AZIN2: variants seen among roughly 807,000 people sequenced by gnomAD.
The protein encoded by AZIN2 is ODC antizyme inhibitor-2.
Under a neutral mutation model 47.8 loss-of-function variants are expected in AZIN2, and 28 were observed. The observed-to-expected ratio is 0.59, with a 90% CI of 0.43 to 0.80. The LOEUF (loss-of-function observed/expected upper bound fraction) is 0.80. Among genes scored for constraint, AZIN2 ranks in the 30% least tolerant of loss-of-function variants. The probability of loss-of-function intolerance (pLI) is 0.00; values close to 1 mark genes in which losing one functional copy is unlikely to be tolerated. For synonymous variants in AZIN2, 221 were observed against 239.4 expected, an observed-to-expected ratio of 0.92 and a Z score of 0.71; for missense variants, 535 against 582.5, an observed-to-expected ratio of 0.92 and a Z score of 0.84.
intron 10 of AZIN2, among the ~76,000 whole-genome samples, chr1:33,117,591 T>C (rs1357683759): frequency 6.6e-6 from 1 of 152,226 alleles, no homozygotes; most frequent in Non-Finnish European, 1.5e-5. Flanking sequence ...GCAGTAACCT[T>C]ACGAGGTAGG....
rs551140805 is a variant in AZIN2 at position 33,101,279 on chromosome 1, T to C, written c.1029+3100T>C. Among the ~76,000 whole-genome samples, 6 of 151,842 alleles carry C rather than the reference T, an allele frequency of 4.0e-5. No individual in the cohort carries two copies. In the East Asian group the frequency reaches 1.2e-3, roughly 30 times the overall value. On this transcript the variant is annotated intron_variant, in intron 10 of 11. Transcript: ENST00000294517. ...GTTGAGAACTCCCAGCCCCAAGCGATTGTCCAGCCTCAGCCTCCCAAAGTG... is the reference window on the plus strand; with the variant it reads ...GTTGAGAACTCCCAGCCCCAAGCGACTGTCCAGCCTCAGCCTCCCAAAGTG...
At position 33,096,752 on chromosome 1, in the gene AZIN2, G is replaced by C. The variant is rs200347127; in HGVS notation, c.799G>C (p.Gly267Arg). The C allele has an allele frequency of 1.2e-5, 20 of 1,614,120 alleles. No homozygotes were observed. Among genetic ancestry groups the C allele is most frequent in the Non-Finnish European group, 1.4e-5 (17 of 1,180,052 alleles). ...NSALDLYFPE[G>R]CGVDIFAELG... Reference sequence around the variant, plus strand: ...AGCCTTGGACCTGTACTTCCCAGAGGGCTGTGGCGTGGACATCTTTGCTGA... The same window carrying C: ...AGCCTTGGACCTGTACTTCCCAGAGCGCTGTGGCGTGGACATCTTTGCTGA... The change falls in exon 9 of 12, where the codon GGC becomes CGC. Residue 267 changes from glycine to arginine, a missense_variant. Gly to Arg is a moderately radical substitution (Grantham distance 125, BLOSUM62 -2). Around this residue, in one of 3 missense-constraint regions of AZIN2, gnomAD observed 409 missense variants for 429.0 expected, o/e 0.95. Transcript: ENST00000294517.
the AZIN2 span, among the ~76,000 whole-genome samples, chr1:33,143,604 C>T: frequency 1.3e-5 from 2 of 152,160 alleles, no homozygotes; most frequent in Non-Finnish European, 2.9e-5. Flanking sequence ...TCCTAGAAAC[C>T]CAGGCGAGTC....
At chr1:33,147,514 A>G in the AZIN2 span, 1 of 1,613,148 alleles carries the variant, frequency 6.2e-7, no homozygotes, top group African/African-American at 1.3e-5. This position sits in a 1 kb window ranked among gnomAD's most constrained non-coding sequence, Gnocchi z 8.1. Flanking sequence ...CAGCCCGATC[A>G]CCCACTGGGT....
chr1:33,153,614 T>C, the AZIN2 span, among the ~76,000 whole-genome samples: 1 of 152,170 alleles, frequency 6.6e-6, no homozygotes. Context: ...AACCCTGCAC[T>C]GGGGTGATGG....
At chr1:33,152,919 G>T in the AZIN2 span, among the ~76,000 whole-genome samples, 3 of 152,144 alleles carry the variant, frequency 2.0e-5, no homozygotes, top group African/African-American at 7.2e-5. Context: ...TTGGGACAAT[G>T]GGCTGCCTGG....
At chr1:33,100,191 C>T (rs1215424076) in intron 10 of AZIN2, among the ~76,000 whole-genome samples, 1 of 152,082 alleles carries the variant, frequency 6.6e-6, no homozygotes, top group Non-Finnish European at 1.5e-5. Context: ...CATGATGGCA[C>T]ATGCCTGTGA....
At chr1:33,130,166 T>C in the AZIN2 span, among the ~76,000 whole-genome samples, 1 of 152,206 alleles carries the variant, frequency 6.6e-6, no homozygotes, top group African/African-American at 2.4e-5. Context: ...GCCGTAGCTT[T>C]GCACTTTAGA....
intron 8 of AZIN2, 137 bp downstream of exon 8, chr1:33,094,850 A>C (rs1037377800): frequency 1.1e-6 from 1 of 923,746 alleles, no homozygotes; most frequent in Middle Eastern, 3.1e-4. Context: ...GGGTGATCTC[A>C]CTGCTTATTA....
Position 33,121,230 on chromosome 1 carries a change from T to C in AZIN2, c.*1048T>C, listed in dbSNP as rs937645032. On this transcript the variant is annotated 3_prime_UTR_variant, in exon 12 of 12. Transcript: ENST00000294517. ...ATATTTTTCTGCTGCAATTAAAAGA[T>C]TTGAGATGTAATTCATATGCAATCA... 6.6e-6 allele frequency among the ~76,000 whole-genome samples: 1 copy of C among 152,200 alleles called. No homozygotes were observed. The highest frequency in any genetic ancestry group is 1.5e-5 in the Non-Finnish European group (1 of 68,038).
chr1:33,130,169 A>G, the AZIN2 span, among the ~76,000 whole-genome samples: 1 of 152,184 alleles, frequency 6.6e-6, no homozygotes. Context: ...GTAGCTTTGC[A>G]CTTTAGATGG....
chr1:33,160,008 G>A, the AZIN2 span: 1 of 1,566,974 alleles, frequency 6.4e-7, no homozygotes, highest in South Asian at 1.1e-5. Flanking sequence ...CTGGGTGAGA[G>A]GAGGAAATCG....
At chr1:33,146,917 C>T in the AZIN2 span, 1 of 517,862 alleles carries the variant, frequency 1.9e-6, no homozygotes. Flanking sequence ...GCAGGGGTTG[C>T]CCTGAGGAGA....
At position 33,082,308 on chromosome 1, in the gene AZIN2, G is replaced by A. The variant is rs1387849398; in HGVS notation, c.59G>A (p.Arg20Gln). 1 of 1,614,036 alleles carries A rather than the reference G, an allele frequency of 6.2e-7. No individual in the cohort carries two copies. The highest frequency in any genetic ancestry group is 1.7e-5 in the Admixed American group (1 of 60,020). ...FVMVEEGFSTRDLLKELTLGA... is the reference protein window; with the variant it reads ...FVMVEEGFSTQDLLKELTLGA... ...ATGGTGGAGGAGGGCTTCAGTACCC[G>A]AGACCTGCTGAAGGAACTCACTCTG... is the stretch of plus-strand genomic sequence containing the variant. Residue 20 changes from arginine (R) to glutamine (Q), a missense_variant, in exon 4 of 12, where the codon CGA becomes CAA. Arg to Gln is a conservative substitution (Grantham distance 43). Around this residue, in one of 3 missense-constraint regions of AZIN2, gnomAD observed 409 missense variants for 429.0 expected, o/e 0.95. Transcript: ENST00000294517.
intron 5 of AZIN2, among the ~76,000 whole-genome samples, chr1:33,086,911 C>A (rs1641966453): frequency 6.6e-6 from 1 of 152,182 alleles, no homozygotes; most frequent in South Asian, 2.1e-4. Flanking sequence ...TTCCTTAAGC[C>A]ATTGCTTCCC....
intron 3 of AZIN2, 153 bp from the exon 4 acceptor site, chr1:33,082,025 C>T (rs1338678101): frequency 1.8e-6 from 1 of 560,654 alleles, no homozygotes; most frequent in Non-Finnish European, 3.2e-6. Flanking sequence ...GTCTGAAATC[C>T]GGGATTCTTG....
chr1:33,097,557 C>A (rs1643288473), intron 9 of AZIN2, among the ~76,000 whole-genome samples: 1 of 152,176 alleles, frequency 6.6e-6, no homozygotes, highest in African/African-American at 2.4e-5. Flanking sequence ...TGCAGGGGAG[C>A]CTCAGGACTG....
rs144490487 is a variant in AZIN2 at position 33,094,605 on chromosome 1, C to T, written c.645C>T (p.Asp215=). 6.2e-4 allele frequency: 1,004 copies of T among 1,614,176 alleles called. 5 individuals are homozygous for T. The African/African-American group carries it at 0.012, about 19-fold the overall frequency. ...AGGCCTATGCTCAGTCCATCGCAGA[C>T]GCCCGGCTCGTGTTTGAAATGGGCA... ...DPQAYAQSIA[D]ARLVFEMGTE... is the part of the protein sequence containing the mutation. Residue 215 remains aspartate (D), a synonymous_variant, in exon 8 of 12, where the codon GAC becomes GAT. Transcript: ENST00000294517.
the AZIN2 span, chr1:33,165,403 T>C: frequency 3.9e-3 from 5,377 of 1,367,990 alleles, 192 homozygotes; most frequent in East Asian, 0.097. This position sits in a 1 kb window ranked among gnomAD's most constrained non-coding sequence, Gnocchi z 4.0. Flanking sequence ...CTTCCCCAGC[T>C]GGCCCCGCCC....
Sources: allele counts gnomAD v4.1 joint callset (sites outside exome capture counted in the v4.1 genomes callset), GRCh38; gene constraint gnomAD v4.1.1; regional missense constraint gnomAD v4.1.1; non-coding constraint Gnocchi (gnomAD v3.1); transcripts MANE v1.5; gene names NCBI Gene and HGNC (gene_info 2026-07-23, HGNC 2026-07-21).